Variants in PLCE1 observed in about 807,000 individuals in gnomAD.
PLCE1 encodes the protein phospholipase C epsilon 1, also known as 1-phosphatidylinositol 4,5-bisphosphate phosphodiesterase epsilon-1.
A neutral mutation model predicts 242.8 loss-of-function variants in PLCE1; 119 were observed. The ratio of observed to expected loss-of-function variants is 0.49; its 90% CI spans 0.42 to 0.57. The LOEUF is 0.57. Among genes scored for constraint, PLCE1 ranks in the 20% least tolerant of loss-of-function variants. PLCE1 has a pLI of 0.00. For missense variants in PLCE1, 2,441 were observed against 2,788.8 expected, an observed-to-expected ratio of 0.88 and a Z score of 2.81; for synonymous variants, 945 against 1,017.4, an observed-to-expected ratio of 0.93 and a Z score of 1.35.
intron 14 of PLCE1, among the ~76,000 whole-genome samples, chr10:94,263,977 A>T (rs894805760): frequency 3.3e-5 from 5 of 152,192 alleles, no homozygotes; most frequent in Non-Finnish European, 7.3e-5. Context: ...CATTAAATGA[A>T]CATGCACTAG....
chr10:94,169,855 T>C (rs1414161913), intron 3 of PLCE1, among the ~76,000 whole-genome samples: 2 of 152,176 alleles, frequency 1.3e-5, no homozygotes, highest in Non-Finnish European at 1.5e-5. Flanking sequence ...ATGCCTGTGA[T>C]GGAAAGTCAA....
At chr10:94,135,117 C>A (rs1029156595) in intron 3 of PLCE1, among the ~76,000 whole-genome samples, 2 of 152,108 alleles carry the variant, frequency 1.3e-5, no homozygotes, top group Non-Finnish European at 2.9e-5. Flanking sequence ...CATTAGAAAA[C>A]CAGATGGGTT....
chr10:94,300,931 G>A (rs575945688), intron 24 of PLCE1, among the ~76,000 whole-genome samples: 12 of 152,200 alleles, frequency 7.9e-5, no homozygotes, highest in East Asian at 5.8e-4. Context: ...GGGGCTTGGC[G>A]GTGTATGCCT....
intron 2 of PLCE1, among the ~76,000 whole-genome samples, chr10:94,066,176 A>G (rs1252182682): frequency 6.6e-6 from 1 of 152,120 alleles, no homozygotes; most frequent in Non-Finnish European, 1.5e-5. Flanking sequence ...TAAAGGATAA[A>G]AGGAATTGGA....
intron 24 of PLCE1, among the ~76,000 whole-genome samples, chr10:94,300,441 C>A (rs11187845): frequency 0.078 from 11,828 of 152,272 alleles, 544 homozygotes; most frequent in East Asian, 0.19. Flanking sequence ...AGTTTCTCTG[C>A]ATAATCTTCC....
chr10:94,068,829 A>G (rs2044272719), intron 2 of PLCE1, among the ~76,000 whole-genome samples: 1 of 152,232 alleles, frequency 6.6e-6, no homozygotes, highest in Non-Finnish European at 1.5e-5. Flanking sequence ...CAACACTGCC[A>G]TAAAGCTTTA....
At position 94,254,188 on chromosome 10, in the gene PLCE1, A is replaced by G; in HGVS notation, c.3280-2A>G. 6.2e-7 allele frequency: 1 copy of G among 1,604,684 alleles called. No homozygotes were observed. The highest frequency in any genetic ancestry group is 8.5e-7 in the Non-Finnish European group (1 of 1,171,376). On this transcript the variant is annotated splice_acceptor_variant, in intron 9 of 32. Coordinates refer to ENST00000371380, the MANE Select transcript of PLCE1 (RefSeq NM_016341.4). LOFTEE classifies it high-confidence loss of function. ...GAACCATCGTGAGCTTTGTGTTCCC[A>G]GGGTGAGAGTGGAGAGGTAACTGAC...
chr10:94,111,893 C>T (rs1330437211), intron 2 of PLCE1, among the ~76,000 whole-genome samples: 6 of 152,168 alleles, frequency 3.9e-5, no homozygotes, highest in Non-Finnish European at 8.8e-5. Context: ...AGGTTTATGG[C>T]TGTCGCAGTT....
chr10:94,039,629 G>A lies in PLCE1; in HGVS notation c.1206+7377G>A, dbSNP rs112101476. On this transcript the variant is annotated intron_variant, in intron 2 of 32. Coordinates refer to ENST00000371380, the MANE Select transcript of PLCE1 (RefSeq NM_016341.4). ...TCAAACTCCTGACCTCAGGTGATCC[G>A]CCCACCTTGGCCTCCGAAAATGGTG... is the stretch of plus-strand genomic sequence containing the variant. Among the ~76,000 whole-genome samples the A allele has an allele frequency of 1.3e-4, 20 of 152,186 alleles. 1 individual carries two copies. In the South Asian group the frequency reaches 1.5e-3, roughly 11 times the overall value.
intron 4 of PLCE1, among the ~76,000 whole-genome samples, chr10:94,219,561 G>A (rs1007287727): frequency 2.0e-5 from 3 of 152,062 alleles, no homozygotes; most frequent in Admixed American, 6.5e-5. Context: ...GGCTGGTGTA[G>A]GTCATATGAC....
rs117046613 is a variant in PLCE1, at chr10:94,247,562, T to C, written c.3096+941T>C. 1.8e-3 allele frequency among the ~76,000 whole-genome samples: 278 copies of C among 152,198 alleles called. 1 individual carries two copies. Among genetic ancestry groups the C allele is most frequent in the Admixed American group, 3.5e-3 (53 of 15,288 alleles). On this transcript the variant is annotated intron_variant, in intron 8 of 32. Transcript: ENST00000371380. Reference sequence around the variant, plus strand: ...AACATGCTATGTGACTTTTGGAGAGTTCTTTAACTTACTGCATATTGCTGC... The same window carrying C: ...AACATGCTATGTGACTTTTGGAGAGCTCTTTAACTTACTGCATATTGCTGC...
chr10:94,032,017 T>G lies in PLCE1; in HGVS notation c.971T>G (p.Leu324Trp). 1 of 1,613,834 alleles carries G rather than the reference T, an allele frequency of 6.2e-7. No homozygotes were observed. The highest frequency in any genetic ancestry group is 8.5e-7 in the Non-Finnish European group (1 of 1,179,832). ...AAAAGCAAAAAGGAGCGATCCACTTTGTTAGTCAGGAGATTCTGTAAAAAT... is the reference window on the plus strand; with the variant it reads ...AAAAGCAAAAAGGAGCGATCCACTTGGTTAGTCAGGAGATTCTGTAAAAAT... ...AFKSKKERSTLLVRRFCKNDR... is the reference protein window; with the variant it reads ...AFKSKKERSTWLVRRFCKNDR... The change falls in exon 2 of 33, where the codon TTG becomes TGG. Residue 324 changes from leucine (L) to tryptophan (W), a missense_variant. This residue lies in a region of PLCE1 where 393 missense variants were observed against 378.5 expected (regional missense o/e 1.04). Coordinates refer to ENST00000371380, the MANE Select transcript of PLCE1 (RefSeq NM_016341.4).
intron 31 of PLCE1, 71 bp from the exon 32 acceptor site, chr10:94,324,821 T>G: frequency 6.8e-7 from 1 of 1,470,126 alleles, no homozygotes; most frequent in Non-Finnish European, 9.5e-7. Context: ...AGCGCTCTTC[T>G]GAAATAGTGT....
At chr10:94,228,012 T>G (rs2050007112) in intron 5 of PLCE1, among the ~76,000 whole-genome samples, 1 of 152,226 alleles carries the variant, frequency 6.6e-6, no homozygotes, top group Non-Finnish European at 1.5e-5. Context: ...TATTCCCACA[T>G]TATACAAAAG....
intron 2 of PLCE1, among the ~76,000 whole-genome samples, chr10:94,129,312 G>A (rs991591089): frequency 6.6e-6 from 1 of 152,238 alleles, no homozygotes; most frequent in Non-Finnish European, 1.5e-5. Flanking sequence ...TACAGGCTGT[G>A]TTCTTTAAAG....
At chr10:94,235,138 T>C (rs1426873634) in intron 6 of PLCE1, among the ~76,000 whole-genome samples, 1 of 149,438 alleles carries the variant, frequency 6.7e-6, no homozygotes, top group East Asian at 2.0e-4. Flanking sequence ...GTGGGAAGAC[T>C]CTCCTCAACC....
In PLCE1 at chr10:94,200,029, G is replaced by A. The variant is rs139633702; in HGVS notation, c.1810-27277G>A. On this transcript the variant is annotated intron_variant, in intron 4 of 32. Coordinates refer to ENST00000371380, the MANE Select transcript of PLCE1 (RefSeq NM_016341.4). ...AAAAGCTGTAAGAAACAAGCCAAAC[G>A]TTACCTCCTTAACATCAGAATGGAC... is the stretch of plus-strand genomic sequence containing the variant. Among the ~76,000 whole-genome samples the A allele has an allele frequency of 2.4e-3, 372 of 152,260 alleles. 7 individuals carry two copies. Among genetic ancestry groups the A allele is most frequent in the Admixed American group, 0.019 (289 of 15,294 alleles).
chr10:94,325,317 G>C, intron 32 of PLCE1: 1 of 483,478 alleles, frequency 2.1e-6, no homozygotes, highest in South Asian at 2.1e-5. Flanking sequence ...AAGGGAAAGA[G>C]GCTGGGCGTG....
chr10:94,260,331 C>T (rs1232069478), intron 13 of PLCE1, among the ~76,000 whole-genome samples: 1 of 152,136 alleles, frequency 6.6e-6, no homozygotes, highest in Non-Finnish European at 1.5e-5. Flanking sequence ...TCTCACTCAC[C>T]ACCACCACCA....
Sources: gnomAD v4.1 joint callset for allele counts (sites outside exome capture counted in the v4.1 genomes callset) on GRCh38, gnomAD v4.1.1 for gene constraint, gnomAD v4.1.1 regional missense constraint, MANE v1.5 for transcripts, NCBI Gene and HGNC (gene_info 2026-07-23, HGNC 2026-07-21) for gene names.